EYA4: variants seen among roughly 807,000 people sequenced by gnomAD.
EYA4 encodes EYA transcriptional coactivator and phosphatase 4, also known as protein phosphatase EYA4.
Under a neutral mutation model 87.9 loss-of-function variants are expected in EYA4, and 31 were observed. That is an observed-to-expected ratio of 0.35 (90% CI 0.27 to 0.48). EYA4 has a LOEUF of 0.48. Ranked by LOEUF, EYA4 falls within the 20% of genes least tolerant of loss-of-function variation. The probability of loss-of-function intolerance (pLI) is 0.99; values close to 1 mark genes in which losing one functional copy is unlikely to be tolerated. For missense variants in EYA4, 678 were observed against 761.4 expected (o/e 0.89, Z 1.29); for synonymous variants, 263 against 270.6 (o/e 0.97, Z 0.28).
chr6:133,246,188 AATAGT>A (rs1774395268), intron 1 of EYA4, among the ~76,000 whole-genome samples: 1 of 152,186 alleles, frequency 6.6e-6, no homozygotes, highest in Non-Finnish European at 1.5e-5. Context: ...GTACTGACAC[AATAGT>A]ATAGTTTGAT....
intron 11 of EYA4, among the ~76,000 whole-genome samples, chr6:133,475,202 A>T (rs1050238237): frequency 6.6e-6 from 1 of 152,106 alleles, no homozygotes; most frequent in African/African-American, 2.4e-5. Context: ...GATTAAGAGC[A>T]GACATTTTAC....
At chr6:133,378,387 C>G (rs930345863) in intron 2 of EYA4, among the ~76,000 whole-genome samples, 2 of 152,012 alleles carry the variant, frequency 1.3e-5, no homozygotes, top group African/African-American at 4.8e-5. Context: ...CATAGTCTAG[C>G]AGAGTGAGTG....
Position 133,382,418 on chromosome 6 carries a change from T to C in EYA4, c.60T>C (p.Asp20=). The C allele has an allele frequency of 6.2e-7, 1 of 1,611,442 alleles. No homozygotes were observed. The highest frequency in any genetic ancestry group is 8.5e-7 in the Non-Finnish European group (1 of 1,177,636). Residue 20 remains aspartate (D), a synonymous_variant, in exon 3 of 20, where the codon GAT becomes GAC. Transcript: ENST00000355286. ...QSVKKTCTES[D]VSQSQNSRSM... ...TAAAGAAAACGTGCACAGAATCAGA[T>C]GTTTCACAATCTCAGAATTCCAGGT...
chr6:133,256,073 A>G (rs1775310538), intron 1 of EYA4, among the ~76,000 whole-genome samples: 2 of 151,842 alleles, frequency 1.3e-5, no homozygotes, highest in Admixed American at 6.6e-5. Flanking sequence ...ACTTAATTGA[A>G]CCTTGTAATT....
In EYA4 at chr6:133,272,190, CT is replaced by C. The variant is rs938158871; in HGVS notation, c.-65-2523del. ...GGGGCTGTAGTGCTGCAGCTGTCCA[CT>C]TTAGAGGGGTGCCTCCATATCATGC... On this transcript the variant is annotated intron_variant, in intron 1 of 19. Coordinates refer to ENST00000355286, the MANE Select transcript of EYA4 (RefSeq NM_004100.5). Among the ~76,000 whole-genome samples the C allele has an allele frequency of 2.5e-4, 38 of 152,310 alleles. 2 individuals carry two copies. Among genetic ancestry groups the C allele is most frequent in the African/African-American group, 7.9e-4 (33 of 41,574 alleles).
At chr6:133,278,429 A>G (rs540089439) in intron 2 of EYA4, among the ~76,000 whole-genome samples, 9 of 152,172 alleles carry the variant, frequency 5.9e-5, no homozygotes, top group Admixed American at 1.3e-4. Flanking sequence ...CCACTACATT[A>G]TAAACTACTT....
intron 2 of EYA4, among the ~76,000 whole-genome samples, chr6:133,353,988 G>A (rs955416806): frequency 6.6e-6 from 1 of 152,214 alleles, no homozygotes; most frequent in Non-Finnish European, 1.5e-5. Flanking sequence ...TAGTACTCAT[G>A]TGAGGGAAGG....
At chr6:133,498,093 G>A (rs1244413627) in intron 13 of EYA4, among the ~76,000 whole-genome samples, 1 of 152,154 alleles carries the variant, frequency 6.6e-6, no homozygotes, top group Non-Finnish European at 1.5e-5. Context: ...TTAAATGATA[G>A]GCTAGTCATG....
intron 3 of EYA4, chr6:133,435,392 C>T (rs1360118695): frequency 1.3e-5 from 2 of 152,398 alleles, no homozygotes; most frequent in Non-Finnish European, 2.9e-5. Flanking sequence ...GCATACACCA[C>T]TTTCCTGGTC....
At chr6:133,445,455 C>G in intron 3 of EYA4, among the ~76,000 whole-genome samples, 1 of 152,014 alleles carries the variant, frequency 6.6e-6, no homozygotes, top group East Asian at 1.9e-4. Flanking sequence ...TGTTATAGTT[C>G]AGGTTGTTGG....
At chr6:133,388,320 TCG>T (rs1359521701) in intron 3 of EYA4, among the ~76,000 whole-genome samples, 3 of 151,414 alleles carry the variant, frequency 2.0e-5, no homozygotes, top group Non-Finnish European at 4.4e-5. Context: ...GGCACGAGAA[TCG>T]CTTGAACCTG....
At chr6:133,279,904 G>T (rs1777487749) in intron 2 of EYA4, among the ~76,000 whole-genome samples, 1 of 152,080 alleles carries the variant, frequency 6.6e-6, no homozygotes, top group Non-Finnish European at 1.5e-5. Flanking sequence ...CAGTATGCTA[G>T]AATATAATTA....
At chr6:133,443,195 C>G (rs974146870) in intron 3 of EYA4, among the ~76,000 whole-genome samples, 4 of 151,464 alleles carry the variant, frequency 2.6e-5, no homozygotes, top group Non-Finnish European at 5.9e-5. Flanking sequence ...AAAATTGTTA[C>G]TAAAAAAAAT....
Position 133,274,699 on chromosome 6 carries a change from C to A in EYA4, c.-65-17C>A. 8.6e-7 allele frequency: 1 copy of A among 1,165,302 alleles called. No homozygotes were observed. The highest frequency in any genetic ancestry group is 1.3e-6 in the Non-Finnish European group (1 of 772,546). 72.2% of individuals were successfully genotyped at this position (1,165,302 alleles called of 1,614,324 possible). ...AAGATAACATTTTTCCCCTTTGTTT[C>A]CATCTTCTTGTTTTAGATAGTCATT... On this transcript the variant is annotated splice_polypyrimidine_tract_variant and intron_variant, in intron 1 of 19. Transcript: ENST00000355286.
intron 3 of EYA4, among the ~76,000 whole-genome samples, chr6:133,416,292 C>T (rs960208552): frequency 6.6e-6 from 1 of 152,154 alleles, no homozygotes. Context: ...AGGACTGACT[C>T]ATAAAAGTTT....
chr6:133,436,174 G>A (rs560295980), intron 3 of EYA4, among the ~76,000 whole-genome samples: 3 of 151,884 alleles, frequency 2.0e-5, no homozygotes, highest in South Asian at 4.2e-4. Flanking sequence ...AGCCAAGATC[G>A]TGCCGTTGCA....
At chr6:133,439,845 T>G (rs1276746828) in intron 3 of EYA4, among the ~76,000 whole-genome samples, 1 of 152,226 alleles carries the variant, frequency 6.6e-6, no homozygotes, top group Non-Finnish European at 1.5e-5. Flanking sequence ...GAGTATCTGG[T>G]GTGGCCCAAG....
chr6:133,368,893 CTTCA>C (rs1785057865), intron 2 of EYA4, among the ~76,000 whole-genome samples: 1 of 152,190 alleles, frequency 6.6e-6, no homozygotes, highest in Admixed American at 6.5e-5. Flanking sequence ...GTAAATGATT[CTTCA>C]TTCAATCCTC....
intron 2 of EYA4, among the ~76,000 whole-genome samples, chr6:133,286,577 T>C (rs1007911885): frequency 2.0e-5 from 3 of 151,924 alleles, no homozygotes; most frequent in African/African-American, 7.3e-5. Flanking sequence ...CAGTGAATTT[T>C]CCTCCGAGGT....
Sources: allele counts gnomAD v4.1 joint callset (sites outside exome capture counted in the v4.1 genomes callset), GRCh38; gene constraint gnomAD v4.1.1; transcripts MANE v1.5; gene names NCBI Gene and HGNC (gene_info 2026-07-23, HGNC 2026-07-21).